The following ANKZF1 variants were observed in gnomAD, a reference collection of about 807,000 sequenced individuals.
ANKZF1 encodes ankyrin repeat and zinc finger peptidyl tRNA hydrolase 1.
A neutral mutation model predicts 86.0 loss-of-function variants in ANKZF1; 84 were observed. The ratio of observed to expected loss-of-function variants is 0.98; its 90% confidence interval spans 0.82 to 1.17. ANKZF1 has a LOEUF of 1.17. Among genes scored for constraint, ANKZF1 ranks in the 50% most tolerant of loss-of-function variants. The pLI, the probability that ANKZF1 is intolerant of heterozygous loss-of-function variation, is 0.00. For missense variants in ANKZF1, 893 were observed against 918.4 expected, an observed-to-expected ratio of 0.97 and a Z score of 0.36; for synonymous variants, 331 against 354.2, an observed-to-expected ratio of 0.93 and a Z score of 0.74.
In ANKZF1 at chr2:219,234,155, C is replaced by G. The variant is rs1414167178; in HGVS notation, c.1071C>G (p.Val357=). The G allele has an allele frequency of 1.2e-6, 2 of 1,612,888 alleles. No individual in the cohort carries two copies. Among genetic ancestry groups the G allele is most frequent in the Admixed American group, 1.7e-5 (1 of 59,738 alleles). The change falls in exon 9 of 14, where the codon GTC becomes GTG. Residue 357 remains valine (V), a synonymous_variant. Transcript: ENST00000323348. ...HVYEEDPREA[V]RLHSPQTHWK... The stretch of plus-strand genomic sequence containing the variant: ...CAGAAGAAGACCCTCGGGAAGCAGT[C>G]AGACTGCACTCACCTCAGACACACT...
In ANKZF1 at chr2:219,234,828, T is replaced by C; in HGVS notation, c.1207T>C (p.Ser403Pro). The change falls in exon 10 of 14, where the codon TCA becomes CCA. Residue 403 changes from serine to proline, a missense_variant and splice_region_variant. Transcript: ENST00000323348. ...GQNEESPKQG[S>P]GSEGEDGFQV... The stretch of plus-strand genomic sequence containing the variant: ...TCACATGTCAGGTTTTTCCCTAGGT[T>C]CAGGGTCGGAGGGAGAAGATGGCTT... 1 of 1,607,910 alleles carries C rather than the reference T, an allele frequency of 6.2e-7. No homozygotes were observed.
rs761842964 is a variant in ANKZF1 at position 219,233,907 on chromosome 2, C to G, written c.1012C>G (p.Arg338Gly). The change falls in exon 8 of 14, where the codon CGT becomes GGT. Residue 338 changes from arginine to glycine, a missense_variant. Physicochemically the swap from Arg to Gly is moderately radical, Grantham distance 125. Coordinates refer to ENST00000323348, the MANE Select transcript of ANKZF1 (RefSeq NM_018089.3). ...TRRPTFQELQ[R>G]VLHKLTTLHV... ...CAGACCCACCTTCCAAGAGCTACAG[C>G]GTGTGCTCCATAAGCTGACCACTTT... The G allele has an allele frequency of 1.9e-6, 3 of 1,602,382 alleles. No homozygotes were observed. In the African/African-American group the frequency reaches 4.0e-5, roughly 21 times the overall value.
At position 219,235,969 on chromosome 2, in the gene ANKZF1, G is replaced by A. The variant is rs375805167; in HGVS notation, c.1972-41G>A. On this transcript the variant is annotated intron_variant, in intron 12 of 13. Transcript: ENST00000323348. ...CTGTCACCTCTTGGGTGCCCTACTCGCCACTGGGGCCTTGTCCTTAACACA... is the reference window on the plus strand; with the variant it reads ...CTGTCACCTCTTGGGTGCCCTACTCACCACTGGGGCCTTGTCCTTAACACA... 4.6e-4 allele frequency: 741 copies of A among 1,613,916 alleles called. 1 individual carries two copies. The highest frequency in any genetic ancestry group is 6.0e-4 in the Non-Finnish European group (709 of 1,179,932).
rs1007239439 is a variant in ANKZF1, at chr2:219,229,953, G to A, written c.-31+53G>A. On this transcript the variant is annotated intron_variant, in intron 1 of 13. Coordinates refer to ENST00000323348, the MANE Select transcript of ANKZF1 (RefSeq NM_018089.3). This position sits in a 1 kb window ranked among gnomAD's most constrained non-coding sequence, Gnocchi z 4.2. ...TTACGCGGGCCAGTTGTTGCTGGTC[G>A]CATGGGTAACGAAGAAAGTTCGGCT... The A allele has an allele frequency of 2.2e-5, 6 of 276,834 alleles. No individual in the cohort carries two copies. Among genetic ancestry groups the A allele is most frequent in the Non-Finnish European group, 3.4e-5 (5 of 145,274 alleles). 17.1% of individuals were successfully genotyped at this position (276,834 alleles called of 1,614,324 possible).
chr2:219,235,127 C>T lies in ANKZF1; in HGVS notation c.1506C>T (p.Cys502=), dbSNP rs1205734586. 1 of 1,614,088 alleles carries T rather than the reference C, an allele frequency of 6.2e-7. No homozygotes were observed. The highest frequency in any genetic ancestry group is 1.3e-5 in the African/African-American group (1 of 74,942). ...TCTGGAATGCACTGCTTGCTGCTTG[C>T]CGAGCTGGAGATGTTGGAGTGCTAA... ...PELWNALLAA[C]RAGDVGVLKL... Residue 502 remains cysteine, a synonymous_variant, in exon 10 of 14, where the codon TGC becomes TGT. Transcript: ENST00000323348.
chr2:219,235,545 T>C lies in ANKZF1; in HGVS notation c.1763T>C (p.Met588Thr), dbSNP rs200339260. The C allele has an allele frequency of 1.1e-4, 182 of 1,613,892 alleles. No homozygotes were observed. The African/African-American group carries it at 2.1e-3, about 19-fold the overall frequency. ...ACACGTAATGAGTTCCGAAGGTTCA[T>C]GGAGAAGAATCCAGATGCCTACGAT... ...KSTRNEFRRFMEKNPDAYDYN... is the reference protein window; with the variant it reads ...KSTRNEFRRFTEKNPDAYDYN... The change falls in exon 11 of 14, where the codon ATG becomes ACG. Residue 588 changes from methionine (M) to threonine (T), a missense_variant. Coordinates refer to ENST00000323348, the MANE Select transcript of ANKZF1 (RefSeq NM_018089.3).
In ANKZF1 at chr2:219,234,928, G is replaced by A. The variant is rs772861491; in HGVS notation, c.1307G>A (p.Arg436Gln). Residue 436 changes from arginine to glutamine, a missense_variant, in exon 10 of 14, where the codon CGG becomes CAG. Arg to Gln is a conservative substitution (Grantham distance 43). Coordinates refer to ENST00000323348, the MANE Select transcript of ANKZF1 (RefSeq NM_018089.3). ...DLCESEVLPK[R>Q]RRRKRNKKEK... is the part of the protein sequence containing the mutation. ...TGTGAGTCTGAAGTATTGCCCAAGC[G>A]GAGGAGGAGAAAAAGGAATAAGAAG... 2.2e-5 allele frequency: 36 copies of A among 1,613,938 alleles called. No homozygotes were observed. Among genetic ancestry groups the A allele is most frequent in the Middle Eastern group, 1.6e-4 (1 of 6,084 alleles).
At position 219,233,309 on chromosome 2, in the gene ANKZF1, CTT is replaced by C; in HGVS notation, c.698_699del (p.Phe233SerfsTer35). The C allele has an allele frequency of 1.9e-6, 3 of 1,614,254 alleles. No homozygotes were observed. Among genetic ancestry groups the C allele is most frequent in the Non-Finnish European group, 2.5e-6 (3 of 1,180,046 alleles). The stretch of plus-strand genomic sequence containing the variant: ...AGAAGAGAAGTGGTGACACACAAAA[CTT>C]TTCACCGCTATACGGTTCGGGCCAA... On this transcript the variant is annotated frameshift_variant, in exon 7 of 14. Transcript: ENST00000323348. LOFTEE classifies it high-confidence loss of function.
At position 219,235,482 on chromosome 2, in the gene ANKZF1, G is replaced by A. The variant is rs758764452; in HGVS notation, c.1700G>A (p.Arg567Gln). 23 of 1,613,780 alleles carry A rather than the reference G, an allele frequency of 1.4e-5. No individual in the cohort carries two copies. The highest frequency in any genetic ancestry group is 5.3e-5 in the African/African-American group (4 of 74,884). ...GGAGTTTTTGCACCTAGGGACTCTCGGGCCCGGCCACCTTATACTGTTGCG... is the reference window on the plus strand; with the variant it reads ...GGAGTTTTTGCACCTAGGGACTCTCAGGCCCGGCCACCTTATACTGTTGCG... ...AGADPTVQDS[R>Q]ARPPYTVAAD... The change falls in exon 11 of 14, where the codon CGG becomes CAG. Residue 567 changes from arginine to glutamine, a missense_variant. Arg to Gln is a conservative substitution (Grantham distance 43). Transcript: ENST00000323348.
In ANKZF1 at chr2:219,233,339, G is replaced by A. The variant is rs748041403; in HGVS notation, c.725G>A (p.Arg242Gln). The A allele has an allele frequency of 6.8e-6, 11 of 1,614,108 alleles. No individual in the cohort carries two copies. The highest frequency in any genetic ancestry group is 6.7e-5 in the East Asian group (3 of 44,896). The change falls in exon 7 of 14, where the codon CGG (arginine) becomes CAG (glutamine). Residue 242 changes from arginine to glutamine, a missense_variant. Physicochemically the swap from Arg to Gln is conservative, Grantham distance 43. Coordinates refer to ENST00000323348, the MANE Select transcript of ANKZF1 (RefSeq NM_018089.3). ...TFHRYTVRAKRGTAQGLRDAR... is the reference protein window; with the variant it reads ...TFHRYTVRAKQGTAQGLRDAR... ...CACCGCTATACGGTTCGGGCCAAGC[G>A]GGGCACAGCCCAGGGGCTTCGGGAT...
In ANKZF1 at chr2:219,236,072, T is replaced by C. The variant is rs1193063538; in HGVS notation, c.2034T>C (p.Pro678=). 2 of 1,614,204 alleles carry C rather than the reference T, an allele frequency of 1.2e-6. No homozygotes were observed. The highest frequency in any genetic ancestry group is 1.7e-6 in the Non-Finnish European group (2 of 1,180,038). The change falls in exon 13 of 14, where the codon CCT becomes CCC. Residue 678 remains proline, a synonymous_variant. Transcript: ENST00000323348. ...AQLGAPTSPI[P]DSAIVNTRRC... Reference sequence around the variant, plus strand: ...TGGGAGCCCCTACCTCTCCAATCCCTGACTCTGCAATCGTCAATACTCGGT... The same window carrying C: ...TGGGAGCCCCTACCTCTCCAATCCCCGACTCTGCAATCGTCAATACTCGGT...
chr2:219,234,029 A>AT, intron 8 of ANKZF1, 86 bp downstream of exon 8: 1 of 1,534,704 alleles, frequency 6.5e-7, no homozygotes, highest in Non-Finnish European at 8.7e-7. Context: ...TATCCAGAGG[A>AT]TTTTCTAAGC....
At chr2:219,234,004 C>A in intron 8 of ANKZF1, 61 bp downstream of exon 8, 1 of 1,528,574 alleles carries the variant, frequency 6.5e-7, no homozygotes, top group Non-Finnish European at 8.8e-7. Flanking sequence ...ACCTAAGCCT[C>A]CATTCTCATT....
Position 219,234,966 on chromosome 2 carries a change from G to A in ANKZF1, c.1345G>A (p.Asp449Asn), listed in dbSNP as rs1211821238. The change falls in exon 10 of 14, where the codon GAC becomes AAC. Residue 449 changes from aspartate (D) to asparagine (N), a missense_variant. Transcript: ENST00000323348. ...AAGGAATAAGAAGGAGAAAAGCCGA[G>A]ACCAGGAGGCTGGGGCACATCGGAC... Reference protein sequence around the residue: ...RKRNKKEKSRDQEAGAHRTLL... With the variant: ...RKRNKKEKSRNQEAGAHRTLL... The A allele has an allele frequency of 4.3e-6, 7 of 1,614,122 alleles. No homozygotes were observed. In the Middle Eastern group the frequency reaches 8.2e-4, roughly 190 times the overall value.
chr2:219,236,563 A>C lies in ANKZF1; in HGVS notation c.*118A>C. On this transcript the variant is annotated 3_prime_UTR_variant, in exon 14 of 14. Transcript: ENST00000323348. ...GATTTGGAAGATGGGGGTGAAGGAC[A>C]CTCGGGAACTAGGGCAAAGACAGGG... The C allele has an allele frequency of 6.7e-6, 9 of 1,343,456 alleles. No homozygotes were observed. Among genetic ancestry groups the C allele is most frequent in the Non-Finnish European group, 9.1e-6 (9 of 993,902 alleles). 83.2% of individuals were successfully genotyped at this position (1,343,456 alleles called of 1,614,324 possible). A position where few individuals can be genotyped will look rare whatever the true frequency, so the allele number is the denominator to read the frequency against.
chr2:219,236,128 T>G lies in ANKZF1; in HGVS notation c.2057+33T>G, dbSNP rs1951221120. 3.1e-6 allele frequency: 5 copies of G among 1,612,922 alleles called. No individual in the cohort carries two copies. In the African/African-American group the frequency reaches 5.3e-5, roughly 17 times the overall value. ...GTGCGGGATGAGGGAGTGGGTGGAC[T>G]GTAATGTTGCAGGGACCATTGGGGG... is the stretch of plus-strand genomic sequence containing the variant. On this transcript the variant is annotated intron_variant, in intron 13 of 13. Coordinates refer to ENST00000323348, the MANE Select transcript of ANKZF1 (RefSeq NM_018089.3).
chr2:219,235,901 T>C (rs55727457), intron 12 of ANKZF1, 26 bp downstream of exon 12: 32,014 of 1,613,794 alleles, frequency 0.02, 881 homozygotes, highest in East Asian at 0.11. Context: ...CTCTTGTCCA[T>C]GGCAAGGCTT....
At chr2:219,230,166 G>A (rs1283247667) in intron 1 of ANKZF1, 62 bp from the exon 2 acceptor site, 37 of 1,449,202 alleles carry the variant, frequency 2.6e-5, no homozygotes, top group Non-Finnish European at 9.4e-6. Flanking sequence ...CAGGCAGGCA[G>A]GAGACGCAGC....
chr2:219,235,989 A>C (rs768848751), intron 12 of ANKZF1, 21 bp from the exon 13 acceptor site: 15 of 1,614,006 alleles, frequency 9.3e-6, no homozygotes, highest in Non-Finnish European at 1.2e-5. Flanking sequence ...CCTTGTCCTT[A>C]ACACAACTTG....
Sources: allele counts gnomAD v4.1 joint callset, GRCh38; gene constraint gnomAD v4.1.1; non-coding constraint Gnocchi (gnomAD v3.1); transcripts MANE v1.5; gene names NCBI Gene and HGNC (gene_info 2026-07-23, HGNC 2026-07-21).